Variants in NELL1 observed in about 807,000 individuals in gnomAD.
The protein encoded by NELL1 is protein kinase C-binding protein NELL1.
A neutral mutation model predicts 107.4 loss-of-function variants in NELL1; 76 were observed. The observed-to-expected ratio is 0.71, with a 90% CI of 0.59 to 0.86. The LOEUF (loss-of-function observed/expected upper bound fraction) is 0.86. NELL1 is among the 40% of genes least tolerant of loss of function. The probability of loss-of-function intolerance (pLI) is 0.00; values close to 1 mark genes in which losing one functional copy is unlikely to be tolerated. For synonymous variants in NELL1, 353 were observed against 341.2 expected, an observed-to-expected ratio of 1.03 and a Z score of -0.38; for missense variants, 1,024 against 1,005.5, an observed-to-expected ratio of 1.02 and a Z score of -0.25.
intron 16 of NELL1, among the ~76,000 whole-genome samples, chr11:21,535,754 ATTGAG>A (rs1317492146): frequency 3.3e-5 from 5 of 152,146 alleles, no homozygotes; most frequent in African/African-American, 9.7e-5. Context: ...TGTTGTGATA[ATTGAG>A]TTAATATCTG....
At chr11:21,169,743 T>C (rs4576820) in intron 13 of NELL1, 1 of 968,028 alleles carries the variant, frequency 1.0e-6, no homozygotes, top group African/African-American at 1.7e-5. Flanking sequence ...ATGTGACCAG[T>C]CTGACTCCTA....
In NELL1 at chr11:21,573,226, G is replaced by C; in HGVS notation, c.2199G>C (p.Leu733Phe). 2 of 1,612,238 alleles carry C rather than the reference G, an allele frequency of 1.2e-6. No individual in the cohort carries two copies. Among genetic ancestry groups the C allele is most frequent in the South Asian group, 2.2e-5 (2 of 91,036 alleles). ...GCTGGCCACTCACTTGCCCCAACTTGAGCTGTGAGTATACAGCTATCTTAG... is the reference window on the plus strand; with the variant it reads ...GCTGGCCACTCACTTGCCCCAACTTCAGCTGTGAGTATACAGCTATCTTAG... The part of the protein sequence containing the change: ...VDCWPLTCPN[L>F]SCEYTAILEG... The change falls in exon 19 of 20, where the codon TTG becomes TTC. Residue 733 changes from leucine (L) to phenylalanine (F), a missense_variant. Physicochemically the swap from Leu to Phe is conservative, Grantham distance 22. Coordinates refer to ENST00000357134, the MANE Select transcript of NELL1 (RefSeq NM_006157.5).
chr11:21,120,527 A>G (rs888306607), intron 13 of NELL1, among the ~76,000 whole-genome samples: 2 of 152,128 alleles, frequency 1.3e-5, no homozygotes, highest in African/African-American at 4.8e-5. Context: ...TTGTGTCAGA[A>G]TGCTTGTCCT....
chr11:21,535,771 T>C (rs1163496823), intron 16 of NELL1, among the ~76,000 whole-genome samples: 1 of 152,216 alleles, frequency 6.6e-6, no homozygotes, highest in East Asian at 1.9e-4. Flanking sequence ...TAATATCTGT[T>C]AAATGTTCAA....
At chr11:21,118,848 G>A (rs1855297337) in intron 13 of NELL1, among the ~76,000 whole-genome samples, 2 of 151,922 alleles carry the variant, frequency 1.3e-5, no homozygotes, top group Admixed American at 6.6e-5. Flanking sequence ...TTAGAAGTCA[G>A]TAGTCATACT....
chr11:20,885,446 T>C lies in NELL1; in HGVS notation c.509T>C (p.Ile170Thr), dbSNP rs1367599273. ...HLLLHVDCNR[I>T]YERVIDPPDT... The stretch of plus-strand genomic sequence containing the variant: ...AACTGTGTTCTTTGCCTTTACAGGA[T>C]TTATGAGCGTGTGATAGACCCTCCA... The change falls in exon 5 of 20, where the codon ATT becomes ACT. Residue 170 changes from isoleucine (I) to threonine (T), a missense_variant and splice_region_variant. By Grantham distance (89) the Ile-to-Thr change is moderately conservative. Coordinates refer to ENST00000357134, the MANE Select transcript of NELL1 (RefSeq NM_006157.5). 1 of 1,605,186 alleles carries C rather than the reference T, an allele frequency of 6.2e-7. No individual in the cohort carries two copies. Among genetic ancestry groups the C allele is most frequent in the Non-Finnish European group, 8.5e-7 (1 of 1,171,848 alleles).
chr11:21,143,714 T>C (rs2133775182), intron 13 of NELL1, among the ~76,000 whole-genome samples: 1 of 152,290 alleles, frequency 6.6e-6, no homozygotes, highest in East Asian at 1.9e-4. Flanking sequence ...GTTTCTATGG[T>C]TGTGCAGTAG....
intron 14 of NELL1, among the ~76,000 whole-genome samples, chr11:21,365,330 A>G (rs1389032243): frequency 2.0e-5 from 3 of 152,080 alleles, no homozygotes; most frequent in African/African-American, 7.2e-5. Context: ...TGTGGTTAAG[A>G]CTCTGGGCTT....
intron 2 of NELL1, among the ~76,000 whole-genome samples, chr11:20,690,351 C>T (rs1250851458): frequency 2.0e-5 from 3 of 152,188 alleles, no homozygotes; most frequent in African/African-American, 7.2e-5. Flanking sequence ...ACATGAAGTC[C>T]TTGCCCATGC....
intron 4 of NELL1, among the ~76,000 whole-genome samples, chr11:20,876,436 A>G (rs1312158609): frequency 1.3e-5 from 2 of 152,166 alleles, no homozygotes; most frequent in African/African-American, 4.8e-5. Flanking sequence ...TGAGCAGTTA[A>G]TTAACAACAT....
intron 15 of NELL1, among the ~76,000 whole-genome samples, chr11:21,498,221 C>T (rs1007999305): frequency 2.0e-5 from 3 of 150,990 alleles, no homozygotes; most frequent in Admixed American, 1.3e-4. Flanking sequence ...TTTCTTGACT[C>T]TATTCCTTCT....
At chr11:21,279,458 C>G (rs1458538994) in intron 14 of NELL1, among the ~76,000 whole-genome samples, 1 of 152,074 alleles carries the variant, frequency 6.6e-6, no homozygotes. Context: ...TGGGCAAAGA[C>G]CTAACAGACA....
intron 13 of NELL1, among the ~76,000 whole-genome samples, chr11:21,182,583 G>C (rs1402307622): frequency 2.0e-5 from 3 of 151,702 alleles, no homozygotes; most frequent in Admixed American, 6.6e-5. Context: ...AATACGAAAA[G>C]AGCATAAAGT....
intron 13 of NELL1, among the ~76,000 whole-genome samples, chr11:21,155,869 C>A (rs747387946): frequency 6.6e-6 from 1 of 152,034 alleles, no homozygotes; most frequent in Non-Finnish European, 1.5e-5. Flanking sequence ...CTTGAGAATA[C>A]CTTTAGGTGA....
chr11:21,191,217 C>A (rs749082858), intron 13 of NELL1, among the ~76,000 whole-genome samples: 11 of 151,572 alleles, frequency 7.3e-5, no homozygotes, highest in Non-Finnish European at 1.6e-4. Flanking sequence ...TTATATTGTC[C>A]TGGATTTCTG....
chr11:21,276,048 C>G (rs559067160), intron 14 of NELL1, among the ~76,000 whole-genome samples: 203 of 152,216 alleles, frequency 1.3e-3, no homozygotes, highest in Non-Finnish European at 2.3e-3. Context: ...AAGTTCTGGC[C>G]AGGGCAATCA....
chr11:21,204,515 C>T (rs1025653063), intron 13 of NELL1, among the ~76,000 whole-genome samples: 12 of 151,766 alleles, frequency 7.9e-5, no homozygotes, highest in African/African-American at 2.4e-4. Context: ...TTCCTCTAAC[C>T]TTTTTTCAAG....
intron 5 of NELL1, 34 bp downstream of exon 5, chr11:20,885,574 A>G (rs765897264): frequency 5.6e-6 from 7 of 1,243,820 alleles, no homozygotes; most frequent in Middle Eastern, 1.9e-4. Flanking sequence ...TGAAGTATAT[A>G]TATAGGCGAT....
At chr11:21,527,512 TAGTC>T (rs1378680975) in intron 15 of NELL1, among the ~76,000 whole-genome samples, 1 of 152,138 alleles carries the variant, frequency 6.6e-6, no homozygotes, top group Non-Finnish European at 1.5e-5. Context: ...AAATCTGTAT[TAGTC>T]AGGGTTCTCT....
Sources: allele counts gnomAD v4.1 joint callset (sites outside exome capture counted in the v4.1 genomes callset), GRCh38; gene constraint gnomAD v4.1.1; transcripts MANE v1.5; gene names NCBI Gene and HGNC (gene_info 2026-07-23, HGNC 2026-07-21).